The following HNF4A variants were observed in gnomAD, a reference collection of about 807,000 sequenced individuals.
HNF4A encodes the protein hepatocyte nuclear factor 4 alpha.
A neutral mutation model predicts 52.4 loss-of-function variants in HNF4A; 15 were observed. The observed-to-expected ratio is 0.29, with a 90% CI of 0.19 to 0.44. The LOEUF (loss-of-function observed/expected upper bound fraction) is 0.44. Among genes scored for constraint, HNF4A ranks in the 20% least tolerant of loss-of-function variants. HNF4A has a pLI of 1.00. For synonymous variants in HNF4A, 280 were observed against 264.4 expected (o/e 1.06, Z -0.57); for missense variants, 479 against 647.2 (o/e 0.74, Z 2.82).
At chr20:44,406,556 A>G (rs2063503481) in intron 2 of HNF4A, among the ~76,000 whole-genome samples, 1 of 152,204 alleles carries the variant, frequency 6.6e-6, no homozygotes, top group Non-Finnish European at 1.5e-5. Flanking sequence ...CTGAAGCCTC[A>G]GTAGATGAGC....
chr20:44,420,849 C>T (rs1268260271), intron 7 of HNF4A, among the ~76,000 whole-genome samples: 1 of 152,080 alleles, frequency 6.6e-6, no homozygotes, highest in Non-Finnish European at 1.5e-5. Context: ...AATAAATCTA[C>T]ACATACTTAA....
intron 1 of HNF4A, 110 bp downstream of exon 1, chr20:44,355,963 TCC>T: frequency 1.6e-5 from 15 of 965,928 alleles, no homozygotes; most frequent in Non-Finnish European, 2.2e-5. Context: ...CTCCTGGAGC[TCC>T]TCTGGAAGGG....
At chr20:44,383,337 C>T (rs1032466397) in intron 1 of HNF4A, among the ~76,000 whole-genome samples, 2 of 152,120 alleles carry the variant, frequency 1.3e-5, no homozygotes, top group African/African-American at 4.8e-5. Context: ...TCATTATGGT[C>T]ACTATTTTGC....
At chr20:44,414,431 G>A in intron 4 of HNF4A, 76 bp from the exon 5 acceptor site, 36 of 1,600,992 alleles carry the variant, frequency 2.2e-5, no homozygotes, top group Non-Finnish European at 2.9e-5. Context: ...TTCCAGGGAG[G>A]GGGCTCTGTG....
In HNF4A at chr20:44,385,059, CTTTTTTTTTTTTTT is replaced by C. The variant is rs775721024; in HGVS notation, c.50-20984_50-20971del. ...AGTGGTTTCAGCTGAACTCTGTGAT[CTTTTTTTTTTTTTT>C]TTTTTTTTTTTTTTGCCTATTCCCT... On this transcript the variant is annotated intron_variant, in intron 1 of 9. Transcript: ENST00000316673. Among the ~76,000 whole-genome samples, 6 of 34,986 alleles carry C rather than the reference CTTTTTTTTTTTTTT, an allele frequency of 1.7e-4. No homozygotes were observed. The South Asian group carries it at 0.013, about 78-fold the overall frequency. The allele number at this position is 34,986 out of a possible 152,430, so 23.0% of individuals were successfully genotyped here.
intron 1 of HNF4A, among the ~76,000 whole-genome samples, chr20:44,387,160 G>A (rs879485508): frequency 3.3e-5 from 5 of 151,656 alleles, no homozygotes; most frequent in African/African-American, 4.8e-5. Context: ...AAAATTAGCT[G>A]GGTGTGGATC....
intron 1 of HNF4A, among the ~76,000 whole-genome samples, chr20:44,378,336 C>T (rs1481097210): frequency 6.7e-6 from 1 of 150,144 alleles, no homozygotes; most frequent in African/African-American, 2.5e-5. Context: ...GGCGTGATCT[C>T]GGCTCACTAC....
intron 5 of HNF4A, among the ~76,000 whole-genome samples, chr20:44,416,071 C>T (rs763095115): frequency 6.6e-6 from 1 of 152,194 alleles, no homozygotes; most frequent in African/African-American, 2.4e-5. Flanking sequence ...TCAGAGCATT[C>T]TCAGAGAGCA....
At position 44,413,724 on chromosome 20, in the gene HNF4A, C is replaced by T. The variant is rs1800961; in HGVS notation, c.416C>T (p.Thr139Ile). The T allele has an allele frequency of 0.03, 47,610 of 1,613,536 alleles. 822 individuals are homozygous for T. The highest frequency in any genetic ancestry group is 0.049 in the Admixed American group (2,960 of 59,952). The stretch of plus-strand genomic sequence containing the variant: ...CAGAATGAGCGGGACCGGATCAGCA[C>T]TCGAAGGTCAAGCTATGAGGACAGC... The change falls in exon 4 of 10, where the codon ACT (threonine) becomes ATT (isoleucine). Residue 139 changes from threonine to isoleucine, a missense_variant. Physicochemically the swap from Thr to Ile is moderately conservative, Grantham distance 89. Coordinates refer to ENST00000316099, the MANE Select transcript of HNF4A (RefSeq NM_000457.6).
At chr20:44,405,752 C>T (rs911301497) in intron 1 of HNF4A, among the ~76,000 whole-genome samples, 6 of 152,088 alleles carry the variant, frequency 3.9e-5, no homozygotes, top group South Asian at 2.1e-4. Context: ...GTTAGGAGGC[C>T]GGCTCCCACC....
At chr20:44,423,875 G>T in intron 7 of HNF4A, 143 bp from the exon 8 acceptor site, 1 of 723,080 alleles carries the variant, frequency 1.4e-6, no homozygotes, top group Non-Finnish European at 2.4e-6. Flanking sequence ...GGCGTACCCT[G>T]GTTGTTGAGG....
At chr20:44,359,788 T>C (rs1200492598) in intron 1 of HNF4A, among the ~76,000 whole-genome samples, 1 of 149,162 alleles carries the variant, frequency 6.7e-6, no homozygotes, top group Non-Finnish European at 1.5e-5. Context: ...CCCACTGTGT[T>C]ATAGGAGAAC....
rs2063403385 is a variant in HNF4A at position 44,401,253 on chromosome 20, G to A, written c.-120G>A. The A allele has an allele frequency of 6.4e-7, 1 of 1,570,426 alleles. No homozygotes were observed. Among genetic ancestry groups the A allele is most frequent in the African/African-American group, 1.4e-5 (1 of 74,032 alleles). ...AGACTCCCAGCAGATCTTCCCAGAGGACGGTTTGAAAGGAAGGCAGAGAGG... is the reference window on the plus strand; with the variant it reads ...AGACTCCCAGCAGATCTTCCCAGAGAACGGTTTGAAAGGAAGGCAGAGAGG... On this transcript the variant is annotated 5_prime_UTR_variant, in exon 1 of 10. Transcript: ENST00000316099.
chr20:44,376,569 T>C (rs780280259), intron 1 of HNF4A, among the ~76,000 whole-genome samples: 3 of 152,174 alleles, frequency 2.0e-5, no homozygotes, highest in Non-Finnish European at 2.9e-5. Context: ...GTTTGTTTGT[T>C]TGTTTGTTTT....
chr20:44,372,268 G>A (rs987188070), intron 1 of HNF4A, among the ~76,000 whole-genome samples: 1 of 152,210 alleles, frequency 6.6e-6, no homozygotes, highest in South Asian at 2.1e-4. Flanking sequence ...AGCACTGGCC[G>A]GGTCCCTCAG....
intron 8 of HNF4A, among the ~76,000 whole-genome samples, chr20:44,425,940 G>A (rs1000550511): frequency 3.3e-5 from 5 of 152,304 alleles, no homozygotes; most frequent in African/African-American, 1.2e-4. Flanking sequence ...GATTACAGGT[G>A]TGAGCCACCA....
chr20:44,388,379 CCA>C lies in HNF4A; in HGVS notation c.50-17677_50-17676del, dbSNP rs1188116242. On this transcript the variant is annotated intron_variant, in intron 1 of 9. Transcript: ENST00000316673. ...CTGGAACCTTCCTCAAAGACCCCCC[CCA>C]CCCCCGTACATTGGAACAAGGTGCT... Among the ~76,000 whole-genome samples the C allele has an allele frequency of 7.3e-4, 84 of 114,742 alleles. 19 individuals carry two copies. Among genetic ancestry groups the C allele is most frequent in the Middle Eastern group, 3.8e-3 (1 of 260 alleles). The allele number at this position is 114,742 out of a possible 152,430, so 75.3% of individuals were successfully genotyped here.
At chr20:44,391,912 T>C (rs1011182584) in intron 1 of HNF4A, 1 of 152,252 alleles carries the variant, frequency 6.6e-6, no homozygotes, top group Non-Finnish European at 1.5e-5. Context: ...CTTTTATGTT[T>C]TGATTCTGAA....
At chr20:44,367,297 T>C (rs1724552663) in intron 1 of HNF4A, among the ~76,000 whole-genome samples, 1 of 145,320 alleles carries the variant, frequency 6.9e-6, no homozygotes, top group South Asian at 2.2e-4. Flanking sequence ...ATCGCGCCAT[T>C]GCACTCCAGC....
Sources: gnomAD v4.1 joint callset for allele counts (sites outside exome capture counted in the v4.1 genomes callset) on GRCh38, gnomAD v4.1.1 for gene constraint, MANE v1.5 for transcripts, NCBI Gene and HGNC (gene_info 2026-07-23, HGNC 2026-07-21) for gene names.